CHD4: variants seen among roughly 807,000 people sequenced by gnomAD.
The protein encoded by CHD4 is ATP-dependent chromatin remodeler CHD4.
A neutral mutation model predicts 235.5 loss-of-function variants in CHD4; 35 were observed. The observed-to-expected ratio is 0.15, with a 90% CI of 0.11 to 0.20. The LOEUF (loss-of-function observed/expected upper bound fraction) is 0.20, where lower values mean the gene tolerates loss of function less well. CHD4 is among the 10% of genes least tolerant of loss of function. CHD4 has a pLI of 1.00. For missense variants in CHD4, 1,329 were observed against 2,432.3 expected, an observed-to-expected ratio of 0.55 and a Z score of 9.54; for synonymous variants, 900 against 850.2, an observed-to-expected ratio of 1.06 and a Z score of -1.02.
At position 6,592,363 on chromosome 12, in the gene CHD4, T is replaced by C. The variant is rs761861412; in HGVS notation, c.2948+30A>G. ...CTCTGCAGACTGGCAGATGTCTAAA[T>C]GGAGTCTGCTTCTGTCCCTCCCAAC... On this transcript the variant is annotated intron_variant, in intron 19 of 39. Coordinates refer to ENST00000544040, the MANE Select transcript of CHD4 (RefSeq NM_001273.5). The C allele has an allele frequency of 1.5e-5, 23 of 1,553,374 alleles. No homozygotes were observed. In the Admixed American group the frequency reaches 4.3e-4, roughly 29 times the overall value.
rs1314101102 is a variant in CHD4 at position 6,602,017 on chromosome 12, C to T, written c.381G>A (p.Lys127=). The T allele has an allele frequency of 3.7e-6, 6 of 1,611,852 alleles. No homozygotes were observed. The highest frequency in any genetic ancestry group is 2.7e-5 in the African/African-American group (2 of 74,796). ...KKKLGPKKEK[K]SKSKRKEEEE... ...CCTCCTCCTTCCGCTTGGATTTGCT[C>T]TTCTTCTCTTTCTTAGGTCCAAGCT... Residue 127 remains lysine, a synonymous_variant, in exon 4 of 40, where the codon AAG becomes AAA. Transcript: ENST00000544040.
chr12:6,601,901 C>G, intron 4 of CHD4, 59 bp downstream of exon 4: 1 of 1,590,102 alleles, frequency 6.3e-7, no homozygotes, highest in Non-Finnish European at 8.6e-7. Flanking sequence ...AGTAAGGTGT[C>G]TAGGAAACAA....
intron 10 of CHD4, among the ~76,000 whole-genome samples, chr12:6,599,376 G>A (rs993637471): frequency 6.6e-6 from 1 of 151,954 alleles, no homozygotes; most frequent in Non-Finnish European, 1.5e-5. Context: ...AGAGTTGGAG[G>A]CTGCAATGAG....
At chr12:6,587,666 G>GA (rs762958878) in intron 24 of CHD4, 46 bp downstream of exon 24, 19 of 1,608,176 alleles carry the variant, frequency 1.2e-5, no homozygotes, top group Non-Finnish European at 1.6e-5. Flanking sequence ...CTAACCTTTA[G>GA]AGAGGCCAAG....
chr12:6,578,730 T>C (rs1175572672), intron 34 of CHD4, 116 bp downstream of exon 34: 2 of 1,370,790 alleles, frequency 1.5e-6, no homozygotes, highest in Non-Finnish European at 2.1e-6. Context: ...AGGTACAGTC[T>C]TTTATCTTGG....
At position 6,600,383 on chromosome 12, in the gene CHD4, ACCT is replaced by A; in HGVS notation, c.1073_1075del (p.Glu358del). ...TGTCTCATAACCATCCACAGCAGTC[ACCT>A]CCTCCTCGCCTGGGCAAGGAAGAGG... is the stretch of plus-strand genomic sequence containing the variant. On this transcript the variant is annotated inframe_deletion, in exon 9 of 40. Coordinates refer to ENST00000544040, the MANE Select transcript of CHD4 (RefSeq NM_001273.5). 6.2e-7 allele frequency: 1 copy of A among 1,613,480 alleles called. No homozygotes were observed. The highest frequency in any genetic ancestry group is 8.5e-7 in the Non-Finnish European group (1 of 1,179,892).
chr12:6,598,673 G>A (rs1228769617), intron 10 of CHD4, among the ~76,000 whole-genome samples: 1 of 152,174 alleles, frequency 6.6e-6, no homozygotes, highest in African/African-American at 2.4e-5. Context: ...GCTGGGCGTG[G>A]TGGCATGCGC....
intron 6 of CHD4, 84 bp downstream of exon 6, chr12:6,601,205 G>A (rs1233221293): frequency 3.2e-6 from 5 of 1,568,122 alleles, no homozygotes; most frequent in Middle Eastern, 4.2e-4. Flanking sequence ...CTACCTTAGG[G>A]CTGACAGACC....
intron 23 of CHD4, 97 bp from the exon 24 acceptor site, chr12:6,588,046 G>A (rs754406645): frequency 3.0e-6 from 4 of 1,313,626 alleles, no homozygotes; most frequent in Non-Finnish European, 3.2e-6. Context: ...TACAAGGCAA[G>A]GTCCACAGCC....
chr12:6,597,254 T>C (rs1468841838), intron 12 of CHD4, among the ~76,000 whole-genome samples: 1 of 148,906 alleles, frequency 6.7e-6, no homozygotes, highest in Non-Finnish European at 1.5e-5. Context: ...CCAGCCTGGG[T>C]GACAAGTCTG....
At chr12:6,580,911 G>A (rs1592264049) in intron 33 of CHD4, 133 bp downstream of exon 33, 1 of 929,994 alleles carries the variant, frequency 1.1e-6, no homozygotes. Flanking sequence ...GGAGGGTGAG[G>A]CAGGAGAATC....
At position 6,581,380 on chromosome 12, in the gene CHD4, T is replaced by A; in HGVS notation, c.4690A>T (p.Ile1564Leu). 1 of 1,613,804 alleles carries A rather than the reference T, an allele frequency of 6.2e-7. No individual in the cohort carries two copies. Among genetic ancestry groups the A allele is most frequent in the East Asian group, 2.2e-5 (1 of 44,880 alleles). The change falls in exon 32 of 40, where the codon ATA (isoleucine) becomes TTA (leucine). Residue 1564 changes from isoleucine to leucine, a missense_variant. Coordinates refer to ENST00000544040, the MANE Select transcript of CHD4 (RefSeq NM_001273.5). The stretch of plus-strand genomic sequence containing the variant: ...TTGAGGCTATTTTCCTCTATTTTTA[T>A]CCCATCTTCTGCAGAACAATAAAAG... The part of the protein sequence containing the change: ...PAPVPPAEDG[I>L]KIEENSLKEE...
At position 6,600,919 on chromosome 12, in the gene CHD4, C is replaced by T; in HGVS notation, c.927+7G>A. 1.3e-6 allele frequency: 2 copies of T among 1,574,812 alleles called. No individual in the cohort carries two copies. Among genetic ancestry groups the T allele is most frequent in the Non-Finnish European group, 1.7e-6 (2 of 1,164,134 alleles). ...ACCCTCCCTAAAGCGATGGGCTGGG[C>T]TCTCACCGAGGATCTCTTACGCTTG... On this transcript the variant is annotated splice_region_variant and intron_variant, in intron 7 of 39. Coordinates refer to ENST00000544040, the MANE Select transcript of CHD4 (RefSeq NM_001273.5).
In CHD4 at chr12:6,593,063, G is replaced by T. The variant is rs763640224; in HGVS notation, c.2652+28C>A. 6.2e-7 allele frequency: 1 copy of T among 1,610,102 alleles called. No homozygotes were observed. On this transcript the variant is annotated intron_variant, in intron 17 of 39. Coordinates refer to ENST00000544040, the MANE Select transcript of CHD4 (RefSeq NM_001273.5). The surrounding 1 kb of genome is among the most constrained non-coding windows in gnomAD (Gnocchi z 4.9). Reference sequence around the variant, plus strand: ...GTACTAGAAAAAACCCAAAGTGGGGGCTCCAACATCCCTCCCTCAGCCCTC... The same window carrying T: ...GTACTAGAAAAAACCCAAAGTGGGGTCTCCAACATCCCTCCCTCAGCCCTC...
At chr12:6,578,783 TAC>T (rs1199262244) in intron 34 of CHD4, 61 bp downstream of exon 34, 1 of 1,514,480 alleles carries the variant, frequency 6.6e-7, no homozygotes, top group Admixed American at 1.7e-5. Flanking sequence ...GCAGGGCAGA[TAC>T]AGTCCTTGCT....
intron 22 of CHD4, among the ~76,000 whole-genome samples, chr12:6,589,343 A>T (rs1948352808): frequency 6.6e-6 from 1 of 152,238 alleles, no homozygotes; most frequent in Non-Finnish European, 1.5e-5. Flanking sequence ...GCTATTTATC[A>T]ATCACAATGG....
intron 38 of CHD4, chr12:6,572,855 C>T (rs1306828241): frequency 2.4e-5 from 10 of 415,208 alleles, no homozygotes; most frequent in South Asian, 9.6e-5. Context: ...CCACCGCGCC[C>T]GGCCAGGAGT....
rs1948560535 is a variant in CHD4 at position 6,599,898 on chromosome 12, G to A, written c.1357C>T (p.Arg453Trp). 4 of 1,614,052 alleles carry A rather than the reference G, an allele frequency of 2.5e-6. No homozygotes were observed. The highest frequency in any genetic ancestry group is 3.4e-6 in the Non-Finnish European group (4 of 1,179,994). ...EEDDHHMEFCRVCKDGGELLC... is the reference protein window; with the variant it reads ...EEDDHHMEFCWVCKDGGELLC... ...AGTTCCCCACCATCCTTGCAGACCC[G>A]ACAGAATTCCATATGGTGGTCATCC... Residue 453 changes from arginine to tryptophan, a missense_variant, in exon 10 of 40, where the codon CGG becomes TGG. Physicochemically the swap from Arg to Trp is moderately radical, Grantham distance 101. Coordinates refer to ENST00000544040, the MANE Select transcript of CHD4 (RefSeq NM_001273.5).
rs375492475 is a variant in CHD4 at position 6,572,718 on chromosome 12, T to C, written c.5557+356A>G. Among the ~76,000 whole-genome samples the C allele has an allele frequency of 2.2e-4, 33 of 152,262 alleles. No homozygotes were observed. In the East Asian group the frequency reaches 5.8e-3, roughly 27 times the overall value. On this transcript the variant is annotated intron_variant, in intron 38 of 39. Transcript: ENST00000544040. Reference sequence around the variant, plus strand: ...GATTATAAGCGTGCGTTGCGCCACATGCCCAGCTAATTTTTCTATTTTTAG... The same window carrying C: ...GATTATAAGCGTGCGTTGCGCCACACGCCCAGCTAATTTTTCTATTTTTAG...
Sources: gnomAD v4.1 joint callset for allele counts (sites outside exome capture counted in the v4.1 genomes callset) on GRCh38, gnomAD v4.1.1 for gene constraint, Gnocchi (gnomAD v3.1) non-coding constraint, MANE v1.5 for transcripts, NCBI Gene and HGNC (gene_info 2026-07-23, HGNC 2026-07-21) for gene names.